TUSC3: variants seen among roughly 807,000 people sequenced by gnomAD.
TUSC3 encodes dolichyl-diphosphooligosaccharide--protein glycosyltransferase subunit TUSC3.
A neutral mutation model predicts 44.8 loss-of-function variants in TUSC3; 45 were observed. The ratio of observed to expected loss-of-function variants is 1.00; its 90% CI spans 0.79 to 1.29. TUSC3 has a LOEUF of 1.29. Ranked by LOEUF, TUSC3 falls within the 50% of genes most tolerant of loss-of-function variation. The probability of loss-of-function intolerance (pLI) is 0.00; values close to 1 mark genes in which losing one functional copy is unlikely to be tolerated. For synonymous variants in TUSC3, 212 were observed against 152.9 expected, an observed-to-expected ratio of 1.39 and a Z score of -2.85; for missense variants, 519 against 437.9, an observed-to-expected ratio of 1.19 and a Z score of -1.65.
chr8:15,741,671 A>C (rs1486404362), intron 7 of TUSC3, among the ~76,000 whole-genome samples: 1 of 152,178 alleles, frequency 6.6e-6, no homozygotes, highest in African/African-American at 2.4e-5. Context: ...TGGGCTACAA[A>C]GTGAAACTGT....
intron 1 of TUSC3, among the ~76,000 whole-genome samples, chr8:15,461,283 G>C (rs1233183407): frequency 6.6e-6 from 1 of 151,860 alleles, no homozygotes; most frequent in Admixed American, 6.6e-5. Flanking sequence ...TTGTTTGTTT[G>C]TTTGTTTTTG....
At chr8:15,786,846 A>T in the TUSC3 span, among the ~76,000 whole-genome samples, 1 of 147,366 alleles carries the variant, frequency 6.8e-6, no homozygotes, top group African/African-American at 2.5e-5. Context: ...TGGGAGGCTG[A>T]GGCAGGAAAA....
intron 1 of TUSC3, among the ~76,000 whole-genome samples, chr8:15,610,570 A>T (rs1021510918): frequency 6.6e-6 from 1 of 152,322 alleles, no homozygotes; most frequent in Non-Finnish European, 1.5e-5. Flanking sequence ...TACTGATTTT[A>T]TATATAAGTG....
chr8:15,579,057 G>T (rs56388533), intron 1 of TUSC3, among the ~76,000 whole-genome samples: 1,674 of 152,044 alleles, frequency 0.011, 30 homozygotes, highest in African/African-American at 0.039. Context: ...GAGTGTATGT[G>T]TTGAGGAATT....
At chr8:15,851,035 T>C in the TUSC3 span, among the ~76,000 whole-genome samples, 1 of 152,302 alleles carries the variant, frequency 6.6e-6, no homozygotes, top group East Asian at 1.9e-4. Context: ...TGCTGATTGG[T>C]TCTAGTGAAC....
the TUSC3 span, among the ~76,000 whole-genome samples, chr8:15,826,518 G>A: frequency 5.9e-5 from 9 of 152,128 alleles, no homozygotes. Context: ...ATATAGGGGA[G>A]CTGTGTTTTG....
At chr8:15,606,733 T>G (rs1197131452) in intron 1 of TUSC3, among the ~76,000 whole-genome samples, 1 of 152,128 alleles carries the variant, frequency 6.6e-6, no homozygotes, top group Admixed American at 6.6e-5. Context: ...GTGTGTACTT[T>G]GTCTGATTAT....
In TUSC3 at chr8:15,720,233, C is replaced by CACACACCCAG. The variant is rs1554481302; in HGVS notation, c.799-10432_799-10431insCACACCCAGA. Among the ~76,000 whole-genome samples the CACACACCCAG allele has an allele frequency of 7.7e-4, 113 of 147,322 alleles. No homozygotes were observed. The East Asian group carries it at 0.015, about 20-fold the overall frequency. Reference sequence around the variant, plus strand: ...ACACACACACACACACACACACACACAGAGAGAACATTTCTCATATACCTT... The same window carrying CACACACCCAG: ...ACACACACACACACACACACACACACACACACCCAGAGAGAGAACATTTCTCATATACCTT... On this transcript the variant is annotated intron_variant, in intron 6 of 10. Transcript: ENST00000503731.
intron 2 of TUSC3, among the ~76,000 whole-genome samples, chr8:15,529,049 A>G (rs1315164231): frequency 6.6e-6 from 1 of 152,220 alleles, no homozygotes; most frequent in Non-Finnish European, 1.5e-5. Context: ...CCTGATACAT[A>G]GAACATGCTA....
At chr8:15,774,803 A>G in the TUSC3 span, among the ~76,000 whole-genome samples, 4 of 152,204 alleles carry the variant, frequency 2.6e-5, no homozygotes, top group Admixed American at 6.5e-5. Flanking sequence ...CTTCACACCC[A>G]TCAGAATGTA....
At chr8:15,712,520 T>C (rs1029801068) in intron 6 of TUSC3, among the ~76,000 whole-genome samples, 3 of 152,052 alleles carry the variant, frequency 2.0e-5, no homozygotes, top group Non-Finnish European at 2.9e-5. Context: ...TTTTATTAGA[T>C]CTCTTTTATG....
chr8:15,480,564 A>AT (rs1266873713), intron 1 of TUSC3, among the ~76,000 whole-genome samples: 3 of 152,250 alleles, frequency 2.0e-5, no homozygotes, highest in Middle Eastern at 3.4e-3. Flanking sequence ...TTAATTTGTG[A>AT]TTTTTTATTG....
chr8:15,562,904 G>A (rs1308984337), intron 1 of TUSC3, among the ~76,000 whole-genome samples: 2 of 152,146 alleles, frequency 1.3e-5, no homozygotes, highest in Admixed American at 6.5e-5. Context: ...AGAGTTAATA[G>A]ATTAGAGACC....
chr8:15,822,105 C>G, the TUSC3 span, among the ~76,000 whole-genome samples: 7 of 151,938 alleles, frequency 4.6e-5, no homozygotes, highest in Admixed American at 3.3e-4. Flanking sequence ...AGTGAGATAC[C>G]AATATAATGC....
chr8:15,506,407 C>G (rs926629868), intron 2 of TUSC3, among the ~76,000 whole-genome samples: 1 of 152,304 alleles, frequency 6.6e-6, no homozygotes, highest in South Asian at 2.1e-4. Context: ...TAAAAACGGA[C>G]CTTCTAAAGG....
chr8:15,615,014 A>G (rs1189594412), intron 1 of TUSC3, among the ~76,000 whole-genome samples: 1 of 151,964 alleles, frequency 6.6e-6, no homozygotes, highest in African/African-American at 2.4e-5. Context: ...CATCGTGGGA[A>G]TGTGAATTAG....
At chr8:15,676,081 C>A (rs905915283) in intron 6 of TUSC3, among the ~76,000 whole-genome samples, 3 of 152,134 alleles carry the variant, frequency 2.0e-5, no homozygotes, top group Non-Finnish European at 4.4e-5. Context: ...TCTACACAGC[C>A]TTGCCAGCAT....
chr8:15,651,414 TTTCCCCAAATTCATAAGTTGAAGCCATA>T (rs1261096037), intron 3 of TUSC3, among the ~76,000 whole-genome samples: 1 of 150,786 alleles, frequency 6.6e-6, no homozygotes, highest in African/African-American at 2.4e-5. Context: ...CTGAATTGTA[TTTCCCCAAATTCATAAGTTGAAGCCATA>T]GCTTCTGGCG....
chr8:15,492,395 C>T (rs146185037), intron 2 of TUSC3, among the ~76,000 whole-genome samples: 2 of 152,218 alleles, frequency 1.3e-5, no homozygotes, highest in African/African-American at 2.4e-5. Context: ...AACTTATATG[C>T]AATACAGGCT....
Sources: gnomAD v4.1 joint callset for allele counts (sites outside exome capture counted in the v4.1 genomes callset) on GRCh38, gnomAD v4.1.1 for gene constraint, MANE v1.5 for transcripts, NCBI Gene and HGNC (gene_info 2026-07-23, HGNC 2026-07-21) for gene names.